The following ZMAT4 variants were observed in gnomAD, a reference collection of about 807,000 sequenced individuals.
ZMAT4 encodes zinc finger matrin-type 4, also known as zinc finger matrin-type protein 4.
Under a neutral mutation model 28.7 loss-of-function variants are expected in ZMAT4, and 17 were observed. The ratio of observed to expected loss-of-function variants is 0.59; its 90% CI spans 0.41 to 0.89. The LOEUF (loss-of-function observed/expected upper bound fraction) is 0.89, where lower values mean the gene tolerates loss of function less well. Among genes scored for constraint, ZMAT4 ranks in the 40% least tolerant of loss-of-function variants. The probability of loss-of-function intolerance (pLI) is 0.00; values close to 1 mark genes in which losing one functional copy is unlikely to be tolerated. For missense variants in ZMAT4, 240 were observed against 283.8 expected (o/e 0.85, Z 1.11); for synonymous variants, 117 against 109.2 (o/e 1.07, Z -0.44).
intron 3 of ZMAT4, among the ~76,000 whole-genome samples, chr8:40,736,339 A>G (rs1416003237): frequency 1.3e-5 from 2 of 152,224 alleles, no homozygotes; most frequent in African/African-American, 4.8e-5. Flanking sequence ...ACCAATATCA[A>G]GGAACAAATG....
intron 1 of ZMAT4, among the ~76,000 whole-genome samples, chr8:40,863,707 A>C (rs75660363): frequency 8.9e-4 from 136 of 152,302 alleles, no homozygotes; most frequent in African/African-American, 3.1e-3. Context: ...CCATATGAGG[A>C]CAGTCATTGA....
chr8:40,625,993 C>T (rs1421388887), intron 5 of ZMAT4, among the ~76,000 whole-genome samples: 5 of 151,802 alleles, frequency 3.3e-5, no homozygotes, highest in Non-Finnish European at 7.4e-5. Context: ...GCTTGTAATC[C>T]CAGCTACTCG....
Position 40,610,645 on chromosome 8 carries a change from T to G in ZMAT4, c.578-29384A>C, listed in dbSNP as rs554313244. On this transcript the variant is annotated intron_variant, in intron 5 of 6. Transcript: ENST00000297737. The stretch of plus-strand genomic sequence containing the variant: ...TAGCATGAATACAATTTAATTCGGT[T>G]ATCTTCTCTGCTTGGGAAAAGTGCC... Among the ~76,000 whole-genome samples the G allele has an allele frequency of 4.2e-4, 64 of 152,274 alleles. 1 individual carries two copies. The South Asian group carries it at 0.013, about 30-fold the overall frequency.
At chr8:40,611,083 G>C (rs1805778144) in intron 5 of ZMAT4, among the ~76,000 whole-genome samples, 2 of 152,134 alleles carry the variant, frequency 1.3e-5, no homozygotes, top group African/African-American at 4.8e-5. Context: ...TGCAAAAGTT[G>C]TGGAAATTTC....
intron 2 of ZMAT4, among the ~76,000 whole-genome samples, chr8:40,789,158 A>C (rs2150577461): frequency 6.6e-6 from 1 of 151,846 alleles, no homozygotes; most frequent in East Asian, 1.9e-4. Flanking sequence ...ATAGATGCCA[A>C]AAAAAAAGGG....
intron 5 of ZMAT4, among the ~76,000 whole-genome samples, chr8:40,597,967 T>G (rs1805158102): frequency 6.6e-6 from 1 of 152,234 alleles, no homozygotes; most frequent in African/African-American, 2.4e-5. Flanking sequence ...AACTATAATG[T>G]GTCTCTTCAT....
intron 5 of ZMAT4, among the ~76,000 whole-genome samples, chr8:40,605,734 A>G (rs914245879): frequency 2.0e-5 from 3 of 152,204 alleles, no homozygotes; most frequent in African/African-American, 7.2e-5. Flanking sequence ...TTCTGTCTTG[A>G]TAACCTGTCA....
chr8:40,532,803 C>T lies in ZMAT4; in HGVS notation c.675-565G>A, dbSNP rs545240244. Among the ~76,000 whole-genome samples the T allele has an allele frequency of 2.2e-3, 335 of 152,150 alleles. 1 individual carries two copies. The highest frequency in any genetic ancestry group is 7.6e-3 in the African/African-American group (316 of 41,508). On this transcript the variant is annotated intron_variant, in intron 6 of 6. Transcript: ENST00000297737. ...ACGAGGTCAGGATATCAAGACTATC[C>T]TGGCCAACATGGTGAAACCCCGTCT...
chr8:40,860,739 C>A (rs1487205387), intron 1 of ZMAT4, among the ~76,000 whole-genome samples: 2 of 152,162 alleles, frequency 1.3e-5, no homozygotes, highest in Admixed American at 6.5e-5. Context: ...CATGAGCGAC[C>A]CCTTGTCTGT....
intron 1 of ZMAT4, among the ~76,000 whole-genome samples, chr8:40,826,722 C>A (rs1816062872): frequency 6.6e-6 from 1 of 152,180 alleles, no homozygotes; most frequent in Admixed American, 6.5e-5. Flanking sequence ...TCCACCACCG[C>A]ACACCACAAA....
At chr8:40,786,872 A>G in intron 2 of ZMAT4, 1 of 459,300 alleles carries the variant, frequency 2.2e-6, no homozygotes, top group Non-Finnish European at 3.8e-6. Flanking sequence ...ACAAAGAGTA[A>G]CTAGAATGTA....
rs533153617 is a variant in ZMAT4, at chr8:40,829,443, T to C, written c.-4-3763A>G. Among the ~76,000 whole-genome samples the C allele has an allele frequency of 1.3e-4, 20 of 151,978 alleles. No homozygotes were observed. The South Asian group carries it at 4.0e-3, about 30-fold the overall frequency. On this transcript the variant is annotated intron_variant, in intron 1 of 6. Transcript: ENST00000297737. ...CACATTTTCACGTGCTGTCCGGGGG[T>C]CTGAGTTCCTACAGATCCATGTGTA...
At chr8:40,673,479 T>C (rs1321372181) in intron 5 of ZMAT4, among the ~76,000 whole-genome samples, 1 of 152,100 alleles carries the variant, frequency 6.6e-6, no homozygotes, top group Non-Finnish European at 1.5e-5. Context: ...TTGCAAATGT[T>C]GTTATCTATA....
At chr8:40,729,620 G>C (rs1811450963) in intron 3 of ZMAT4, among the ~76,000 whole-genome samples, 1 of 146,266 alleles carries the variant, frequency 6.8e-6, no homozygotes, top group Non-Finnish European at 1.5e-5. Flanking sequence ...TTTTGAGAAG[G>C]AGTCTCGCTC....
At chr8:40,719,483 G>A (rs1325282284) in intron 3 of ZMAT4, among the ~76,000 whole-genome samples, 2 of 152,258 alleles carry the variant, frequency 1.3e-5, no homozygotes, top group East Asian at 3.9e-4. Flanking sequence ...ATACTTTAAT[G>A]AAGGTAAATT....
At chr8:40,728,422 C>T (rs1256270637) in intron 3 of ZMAT4, among the ~76,000 whole-genome samples, 1 of 152,202 alleles carries the variant, frequency 6.6e-6, no homozygotes, top group Non-Finnish European at 1.5e-5. Context: ...TGGGTCCATA[C>T]TGCATTCAGC....
At chr8:40,593,073 G>C (rs912706734) in intron 5 of ZMAT4, among the ~76,000 whole-genome samples, 2 of 152,266 alleles carry the variant, frequency 1.3e-5, no homozygotes, top group East Asian at 3.9e-4. Context: ...TCTGGGTTTT[G>C]ATGTGATGCA....
intron 5 of ZMAT4, among the ~76,000 whole-genome samples, chr8:40,647,838 A>G (rs1200678198): frequency 2.0e-5 from 3 of 152,188 alleles, no homozygotes; most frequent in African/African-American, 7.2e-5. Context: ...CACGCAGGGT[A>G]TTCCAACAGA....
At chr8:40,770,927 G>A (rs911318471) in intron 2 of ZMAT4, among the ~76,000 whole-genome samples, 9 of 151,964 alleles carry the variant, frequency 5.9e-5, no homozygotes, top group African/African-American at 2.2e-4. Context: ...ATGAGATTTG[G>A]CACAGTAATC....
Sources: allele counts gnomAD v4.1 joint callset (sites outside exome capture counted in the v4.1 genomes callset), GRCh38; gene constraint gnomAD v4.1.1; transcripts MANE v1.5; gene names NCBI Gene and HGNC (gene_info 2026-07-23, HGNC 2026-07-21).